GALNT6: variants seen among roughly 807,000 people sequenced by gnomAD.
GALNT6 encodes the protein polypeptide N-acetylgalactosaminyltransferase 6, also known as GalNAc transferase 6.
GALNT6 carries 51 observed loss-of-function variants against 65.9 expected under a neutral mutation model. The ratio of observed to expected loss-of-function variants is 0.77; its 90% confidence interval spans 0.62 to 0.98. The LOEUF is 0.98. Ranked by LOEUF, GALNT6 falls within the 50% of genes least tolerant of loss-of-function variation. The pLI, the probability that GALNT6 is intolerant of heterozygous loss-of-function variation, is 0.00. For synonymous variants in GALNT6, 323 were observed against 315.1 expected (o/e 1.02, Z -0.26); for missense variants, 708 against 803.3 (o/e 0.88, Z 1.43).
At chr12:51,381,723 G>A (rs1039636352) in intron 2 of GALNT6, among the ~76,000 whole-genome samples, 12 of 152,222 alleles carry the variant, frequency 7.9e-5, no homozygotes, top group African/African-American at 2.7e-4. Flanking sequence ...CTAACTCACA[G>A]GGTTGTGGGG....
rs1946616387 is a variant in GALNT6, at chr12:51,351,662, CGT to C, written c.*2715_*2716del. ...CTTGCTATGATTTGCTTACATTTAG[CGT>C]GTGAGTTCCACGGGGACAGGACCTC... On this transcript the variant is annotated 3_prime_UTR_variant, in exon 12 of 12. Transcript: ENST00000356317. The C allele has an allele frequency of 2.6e-5, 4 of 152,380 alleles. No individual in the cohort carries two copies. The South Asian group carries it at 6.2e-4, about 24-fold the overall frequency. 9.4% of individuals were successfully genotyped at this position (152,380 alleles called of 1,614,324 possible). A position where few individuals can be genotyped will look rare whatever the true frequency, so the allele number is the denominator to read the frequency against.
chr12:51,385,065 T>C (rs1170841064), intron 2 of GALNT6, among the ~76,000 whole-genome samples: 1 of 152,166 alleles, frequency 6.6e-6, no homozygotes, highest in Non-Finnish European at 1.5e-5. Context: ...CTCAGCTCAC[T>C]GCAGCCTTGA....
chr12:51,354,741 T>C (rs538700937), intron 11 of GALNT6, among the ~76,000 whole-genome samples: 2 of 152,254 alleles, frequency 1.3e-5, no homozygotes, highest in Admixed American at 1.3e-4. Flanking sequence ...GACCATGGGC[T>C]GAGAGAAAAA....
intron 8 of GALNT6, among the ~76,000 whole-genome samples, chr12:51,358,747 G>A (rs541528676): frequency 1.1e-4 from 17 of 152,118 alleles, no homozygotes; most frequent in East Asian, 1.9e-4. Context: ...CAAAAACCCC[G>A]CCTTAGCTTT....
In GALNT6 at chr12:51,364,359, CAGGCCCCAACCAGG is replaced by C; in HGVS notation, c.815-18_815-5del. 1 of 1,607,418 alleles carries C rather than the reference CAGGCCCCAACCAGG, an allele frequency of 6.2e-7. No homozygotes were observed. ...AGCCAGCCGTGGAAGCACTCACCTG[CAGGCCCCAACCAGG>C]AGGCAGCAGTCAGGGCCCTGCCCAC... is the stretch of plus-strand genomic sequence containing the variant. On this transcript the variant is annotated splice_region_variant and splice_polypyrimidine_tract_variant and intron_variant, in intron 5 of 11. Transcript: ENST00000356317.
At chr12:51,361,695 C>G (rs118182237) in intron 6 of GALNT6, among the ~76,000 whole-genome samples, 135 of 152,248 alleles carry the variant, frequency 8.9e-4, no homozygotes, top group Non-Finnish European at 1.6e-3. Context: ...GTTAGGGTAT[C>G]GAAGCGGACC....
At chr12:51,371,159 C>T (rs1303280381) in intron 4 of GALNT6, among the ~76,000 whole-genome samples, 3 of 151,758 alleles carry the variant, frequency 2.0e-5, no homozygotes, top group African/African-American at 7.3e-5. Flanking sequence ...TCTCAGCTCA[C>T]TGCAACCTCC....
chr12:51,370,165 C>G (rs1319174493), intron 4 of GALNT6, among the ~76,000 whole-genome samples: 1 of 152,224 alleles, frequency 6.6e-6, no homozygotes, highest in African/African-American at 2.4e-5. Context: ...TAGCCAAAGG[C>G]AGAAACAGCC....
Position 51,355,886 on chromosome 12 carries a change from C to G in GALNT6, c.1675G>C (p.Gly559Arg). Residue 559 changes from glycine (G) to arginine (R), a missense_variant, in exon 11 of 12, where the codon GGT becomes CGT. Gly to Arg is a moderately radical substitution (Grantham distance 125). Transcript: ENST00000356317. ...AKQLCLHVSK[G>R]ALGLGSCHFT... Reference sequence around the variant, plus strand: ...TGACAGCTCCCAAGGCCCAGAGCACCCTTGCTGACATGTAGACACAGCTGC... The same window carrying G: ...TGACAGCTCCCAAGGCCCAGAGCACGCTTGCTGACATGTAGACACAGCTGC... 1 of 1,613,950 alleles carries G rather than the reference C, an allele frequency of 6.2e-7. No homozygotes were observed. The highest frequency in any genetic ancestry group is 1.1e-5 in the South Asian group (1 of 91,082).
At chr12:51,384,691 C>CAAAA (rs747557675) in intron 2 of GALNT6, among the ~76,000 whole-genome samples, 24,425 of 88,920 alleles carry the variant, frequency 0.27, 3,992 homozygotes, top group Non-Finnish European at 0.39. Flanking sequence ...GACTCTGTCT[C>CAAAA]AAAAAAAAAA....
At chr12:51,359,567 G>A (rs770782658) in intron 7 of GALNT6, 1 of 396,266 alleles carries the variant, frequency 2.5e-6, no homozygotes, top group African/African-American at 2.0e-5. Flanking sequence ...GAGACTGCAG[G>A]GTCCTGTGTT....
upstream of GALNT6, chr12:51,391,511 A>G: frequency 6.5e-6 from 1 of 154,038 alleles, no homozygotes; most frequent in Non-Finnish European, 1.4e-5. Flanking sequence ...ACTCGGCAGA[A>G]GCGAGATCCG....
Position 51,353,836 on chromosome 12 carries a change from ACCT to A in GALNT6, c.*540_*542del, listed in dbSNP as rs1343096680. ...ACAATCAAGGCTCACTGTAGCTTCA[ACCT>A]CCGGGGAACAAGCAATCCTCCCACC... On this transcript the variant is annotated 3_prime_UTR_variant, in exon 12 of 12. Transcript: ENST00000356317. 1 of 152,326 alleles carries A rather than the reference ACCT, an allele frequency of 6.6e-6. No individual in the cohort carries two copies. Among genetic ancestry groups the A allele is most frequent in the African/African-American group, 2.4e-5 (1 of 41,202 alleles). The allele number at this position is 152,326 out of a possible 1,614,324, so 9.4% of individuals were successfully genotyped here.
intron 4 of GALNT6, among the ~76,000 whole-genome samples, chr12:51,370,266 C>T (rs752160200): frequency 1.5e-4 from 23 of 152,182 alleles, no homozygotes; most frequent in Non-Finnish European, 2.9e-4. Context: ...AATTCTGGGC[C>T]GGGTTTGGTG....
At chr12:51,379,960 GC>G in intron 2 of GALNT6, 76 bp from the exon 3 acceptor site, 1 of 633,992 alleles carries the variant, frequency 1.6e-6, no homozygotes, top group Non-Finnish European at 2.7e-6. Flanking sequence ...GGGGTTCGAG[GC>G]CAGGCTCTGT....
intron 6 of GALNT6, 27 bp downstream of exon 6, chr12:51,364,094 G>T: frequency 1.3e-6 from 2 of 1,513,348 alleles, no homozygotes; most frequent in Non-Finnish European, 1.8e-6. Context: ...GGGCCAGGTT[G>T]GGGGCTCACC....
rs1947888159 is a variant in GALNT6 at position 51,387,764 on chromosome 12, G to A, written c.-104+3086C>T. Among the ~76,000 whole-genome samples, 1 of 152,080 alleles carries A rather than the reference G, an allele frequency of 6.6e-6. No homozygotes were observed. The highest frequency in any genetic ancestry group is 1.5e-5 in the Non-Finnish European group (1 of 68,012). ...GTGACAACGAGACTGGGCTTGAGGG[G>A]GAGAGTTGGGGGAAAGGACAGAGAA... On this transcript the variant is annotated intron_variant, in intron 2 of 11. Coordinates refer to ENST00000356317, the MANE Select transcript of GALNT6 (RefSeq NM_007210.4). The surrounding 1 kb of genome is among the most constrained non-coding windows in gnomAD (Gnocchi z 4.2).
chr12:51,379,208 C>G lies in GALNT6; in HGVS notation c.491+83G>C, dbSNP rs550755576. On this transcript the variant is annotated intron_variant, in intron 3 of 11. Coordinates refer to ENST00000356317, the MANE Select transcript of GALNT6 (RefSeq NM_007210.4). ...AAATTCCCTTCAACTCTTTCTCTGG[C>G]CCTTGATCTATGGCCCTGGCCATAC... The G allele has an allele frequency of 4.3e-4, 595 of 1,375,144 alleles. 2 individuals carry two copies. In the African/African-American group the frequency reaches 7.8e-3, roughly 18 times the overall value. The allele number at this position is 1,375,144 out of a possible 1,614,324, so 85.2% of individuals were successfully genotyped here.
chr12:51,376,737 G>C (rs1270875016), intron 4 of GALNT6, among the ~76,000 whole-genome samples: 3 of 152,038 alleles, frequency 2.0e-5, no homozygotes, highest in Non-Finnish European at 4.4e-5. Flanking sequence ...CTGGGTCAGA[G>C]CCAGGCACAC....
Sources: gnomAD v4.1 joint callset for allele counts (sites outside exome capture counted in the v4.1 genomes callset) on GRCh38, gnomAD v4.1.1 for gene constraint, Gnocchi (gnomAD v3.1) non-coding constraint, MANE v1.5 for transcripts, NCBI Gene and HGNC (gene_info 2026-07-23, HGNC 2026-07-21) for gene names.